The following FHIT variants were observed in gnomAD, a reference collection of about 807,000 sequenced individuals.
The protein encoded by FHIT is fragile histidine triad diadenosine triphosphatase.
Under a neutral mutation model 17.9 loss-of-function variants are expected in FHIT, and 19 were observed. The observed-to-expected ratio is 1.06, with a 90% CI of 0.74 to 1.56. The LOEUF is 1.56. Among genes scored for constraint, FHIT ranks in the 40% most tolerant of loss-of-function variants. FHIT has a pLI of 0.00. For missense variants in FHIT, 248 were observed against 189.2 expected (o/e 1.31, Z -1.82); for synonymous variants, 81 against 69.7 (o/e 1.16, Z -0.81).
chr3:60,836,358 T>A (rs1223382637), intron 3 of FHIT, among the ~76,000 whole-genome samples: 1 of 152,216 alleles, frequency 6.6e-6, no homozygotes, highest in Non-Finnish European at 1.5e-5. Context: ...TATTAATTAT[T>A]CTTTAAATGT....
chr3:60,156,557 T>A lies in FHIT; in HGVS notation c.104-142405A>T, dbSNP rs186088803. ...AGAGCCCAGGAGTTCAAGAACAACC[T>A]AGGCAACATAGTGAGATCTTGTCTC... On this transcript the variant is annotated intron_variant, in intron 5 of 9. Transcript: ENST00000492590. Among the ~76,000 whole-genome samples the A allele has an allele frequency of 7.4e-4, 112 of 151,984 alleles. 1 individual carries two copies. The highest frequency in any genetic ancestry group is 2.6e-3 in the African/African-American group (107 of 41,494).
intron 4 of FHIT, among the ~76,000 whole-genome samples, chr3:60,755,343 A>C (rs1486169675): frequency 6.6e-6 from 1 of 152,308 alleles, no homozygotes; most frequent in Non-Finnish European, 1.5e-5. Flanking sequence ...GTCCCATCCC[A>C]TTGCTGTCAG....
rs985309055 is a variant in FHIT, at chr3:60,273,897, A to G, written c.104-259745T>C. On this transcript the variant is annotated intron_variant, in intron 5 of 9. Coordinates refer to ENST00000492590, the MANE Select transcript of FHIT (RefSeq NM_002012.4). Reference sequence around the variant, plus strand: ...ATGTTCTGAAACATTTACAGAAATTAATAAAAGTATCTCATCTTTGTGTAG... The same window carrying G: ...ATGTTCTGAAACATTTACAGAAATTGATAAAAGTATCTCATCTTTGTGTAG... Among the ~76,000 whole-genome samples the G allele has an allele frequency of 2.9e-4, 43 of 150,550 alleles. 1 individual carries two copies. The highest frequency in any genetic ancestry group is 8.6e-4 in the Admixed American group (13 of 15,144).
Position 60,624,919 on chromosome 3 carries a change from G to GTT in FHIT, c.-17-87942_-17-87941dup, listed in dbSNP as rs781903157. Among the ~76,000 whole-genome samples, 1,122 of 150,556 alleles carry GTT rather than the reference G, an allele frequency of 7.5e-3. 23 individuals carry two copies. Among genetic ancestry groups the GTT allele is most frequent in the African/African-American group, 0.027 (1,084 of 40,338 alleles). ...AGTTTTTTTTTTTGTTTGTTTGTTT[G>GTT]TTTGTTTTTGAGACAGTCTTGCCCT... On this transcript the variant is annotated intron_variant, in intron 4 of 9. Coordinates refer to ENST00000492590, the MANE Select transcript of FHIT (RefSeq NM_002012.4).
intron 4 of FHIT, among the ~76,000 whole-genome samples, chr3:60,582,740 A>G (rs781919630): frequency 1.3e-5 from 2 of 152,144 alleles, no homozygotes; most frequent in Non-Finnish European, 2.9e-5. Flanking sequence ...CACATATGGA[A>G]GACCCTGGGG....
intron 2 of FHIT, among the ~76,000 whole-genome samples, chr3:61,178,541 G>GA (rs1168440195): frequency 5.6e-5 from 3 of 53,816 alleles, no homozygotes; most frequent in East Asian, 5.0e-4. Context: ...TGACACTGAA[G>GA]AAAAAAACGT....
intron 2 of FHIT, among the ~76,000 whole-genome samples, chr3:61,169,768 A>C (rs2037948373): frequency 6.6e-6 from 1 of 152,238 alleles, no homozygotes. Context: ...GGACTATTGC[A>C]ATAGCAGTAT....
At chr3:59,788,322 G>A (rs960550283) in intron 8 of FHIT, among the ~76,000 whole-genome samples, 2 of 152,252 alleles carry the variant, frequency 1.3e-5, no homozygotes, top group African/African-American at 4.8e-5. Flanking sequence ...TGGCTGGCCA[G>A]TCAACTCCCA....
chr3:61,078,759 C>T (rs7638403), intron 2 of FHIT, among the ~76,000 whole-genome samples: 6 of 152,082 alleles, frequency 3.9e-5, no homozygotes, highest in Non-Finnish European at 7.4e-5. Flanking sequence ...TACCACCTAC[C>T]GCTTTTTATA....
intron 3 of FHIT, among the ~76,000 whole-genome samples, chr3:61,040,957 C>T (rs1380280578): frequency 5.9e-5 from 9 of 152,188 alleles, no homozygotes; most frequent in Admixed American, 5.9e-4. Context: ...TTATCCTTGG[C>T]AGCCATTTTC....
At chr3:60,025,214 G>T (rs1700696733) in intron 5 of FHIT, among the ~76,000 whole-genome samples, 3 of 152,196 alleles carry the variant, frequency 2.0e-5, no homozygotes, top group African/African-American at 7.2e-5. Context: ...AACTAGAGCA[G>T]AGTTTCCTAA....
intron 3 of FHIT, among the ~76,000 whole-genome samples, chr3:60,943,410 A>G (rs9942059): frequency 0.013 from 2,042 of 152,210 alleles, 37 homozygotes; most frequent in African/African-American, 0.047. Context: ...GTCCGATATT[A>G]ATAGTGTCAC....
intron 1 of FHIT, among the ~76,000 whole-genome samples, chr3:61,224,403 A>ATTATT (rs2039914148): frequency 6.6e-6 from 1 of 151,920 alleles, no homozygotes; most frequent in Non-Finnish European, 1.5e-5. Context: ...TGCTTATGTT[A>ATTATT]CTATTTTATT....
intron 7 of FHIT, among the ~76,000 whole-genome samples, chr3:59,925,321 G>T (rs1347113144): frequency 6.6e-6 from 1 of 152,024 alleles, no homozygotes; most frequent in East Asian, 1.9e-4. Flanking sequence ...GCCCAGTCTG[G>T]TCTCAAACTC....
At chr3:60,269,161 C>A (rs1706739901) in intron 5 of FHIT, among the ~76,000 whole-genome samples, 1 of 151,880 alleles carries the variant, frequency 6.6e-6, no homozygotes, top group Admixed American at 6.6e-5. Flanking sequence ...GTTATGGAAG[C>A]CATCAAAAAC....
intron 8 of FHIT, 101 bp downstream of exon 8, chr3:59,922,245 A>G: frequency 9.4e-7 from 1 of 1,065,588 alleles, no homozygotes; most frequent in East Asian, 2.4e-5. Context: ...ATAGAATTCC[A>G]TTTCAGACCA....
chr3:60,019,272 A>G (rs1280773845), intron 5 of FHIT, among the ~76,000 whole-genome samples: 1 of 152,152 alleles, frequency 6.6e-6, no homozygotes, highest in East Asian at 1.9e-4. Flanking sequence ...TCTGTCTTCT[A>G]AAAGGAGGAG....
intron 5 of FHIT, among the ~76,000 whole-genome samples, chr3:60,166,105 C>G (rs1039509782): frequency 2.6e-5 from 4 of 151,592 alleles, no homozygotes; most frequent in African/African-American, 9.7e-5. Context: ...TATGTTTAAG[C>G]AAATCATGAG....
At chr3:60,801,197 C>T (rs1701174273) in intron 4 of FHIT, among the ~76,000 whole-genome samples, 1 of 152,214 alleles carries the variant, frequency 6.6e-6, no homozygotes, top group African/African-American at 2.4e-5. Context: ...TATCCACCAA[C>T]TCCCAGTCCC....
Sources: allele counts gnomAD v4.1 joint callset (sites outside exome capture counted in the v4.1 genomes callset), GRCh38; gene constraint gnomAD v4.1.1; transcripts MANE v1.5; gene names NCBI Gene and HGNC (gene_info 2026-07-23, HGNC 2026-07-21).